CDK7: variants seen among roughly 807,000 people sequenced by gnomAD.
The protein encoded by CDK7 is cyclin-dependent kinase 7.
CDK7 carries 25 observed loss-of-function variants against 49.1 expected under a neutral mutation model. That is an observed-to-expected ratio of 0.51 (90% CI 0.37 to 0.71). The LOEUF (loss-of-function observed/expected upper bound fraction) is 0.71, where lower values mean the gene tolerates loss of function less well. Among genes scored for constraint, CDK7 ranks in the 30% least tolerant of loss-of-function variants. The probability of loss-of-function intolerance (pLI) is 0.00; values close to 1 mark genes in which losing one functional copy is unlikely to be tolerated. For missense variants in CDK7, 316 were observed against 411.7 expected (o/e 0.77, Z 2.01); for synonymous variants, 107 against 140.0 (o/e 0.76, Z 1.67).
intron 2 of CDK7, among the ~76,000 whole-genome samples, chr5:69,237,392 G>A (rs1217491801): frequency 6.6e-6 from 1 of 152,126 alleles, no homozygotes; most frequent in Non-Finnish European, 1.5e-5. Context: ...CTGGCTTCTT[G>A]GTTGGTATAT....
intron 8 of CDK7, among the ~76,000 whole-genome samples, chr5:69,267,070 CTCTT>C (rs757048084): frequency 6.6e-6 from 1 of 152,050 alleles, no homozygotes; most frequent in African/African-American, 2.4e-5. Flanking sequence ...CCCAAAGCAG[CTCTT>C]TCTTTAGGGA....
chr5:69,268,619 G>A (rs779696073), intron 8 of CDK7, among the ~76,000 whole-genome samples: 3 of 152,042 alleles, frequency 2.0e-5, no homozygotes, highest in East Asian at 1.9e-4. Context: ...TTGGGAGGCC[G>A]AGGCGGGCAA....
chr5:69,239,577 C>A (rs1457206862), intron 2 of CDK7, among the ~76,000 whole-genome samples: 1 of 151,944 alleles, frequency 6.6e-6, no homozygotes, highest in Non-Finnish European at 1.5e-5. Context: ...AGCCAGAATT[C>A]TTTTATATTC....
In CDK7 at chr5:69,273,006, T is replaced by G. The variant is rs1230395825; in HGVS notation, c.829T>G (p.Leu277Val). 1 of 1,577,100 alleles carries G rather than the reference T, an allele frequency of 6.3e-7. No individual in the cohort carries two copies. Among genetic ancestry groups the G allele is most frequent in the African/African-American group, 1.4e-5 (1 of 73,914 alleles). ...DLLDLIQGLF[L>V]FNPCARITAT... ...ACTAGATCTCATACAAGGCTTATTCTTATTTAATCCATGTGCTCGAATTAC... is the reference window on the plus strand; with the variant it reads ...ACTAGATCTCATACAAGGCTTATTCGTATTTAATCCATGTGCTCGAATTAC... Residue 277 changes from leucine to valine, a missense_variant, in exon 10 of 12, where the codon TTA becomes GTA. Leu to Val is a conservative substitution (Grantham distance 32). Transcript: ENST00000256443.
At chr5:69,276,841 C>T (rs4077460) in intron 11 of CDK7, 151 bp downstream of exon 11, 419,282 of 727,682 alleles carry the variant, frequency 0.58, 123,193 homozygotes, top group African/African-American at 0.72. Context: ...GAGACTGTGC[C>T]GTTTTAGGTA....
In CDK7 at chr5:69,269,439, T is replaced by C. The variant is rs1413965676; in HGVS notation, c.714+146T>C. The C allele has an allele frequency of 2.6e-5, 14 of 538,304 alleles. No homozygotes were observed. The Admixed American group carries it at 5.3e-4, about 20-fold the overall frequency. 33.3% of individuals were successfully genotyped at this position (538,304 alleles called of 1,614,324 possible). A position where few individuals can be genotyped will look rare whatever the true frequency, so the allele number is the denominator to read the frequency against. On this transcript the variant is annotated intron_variant, in intron 9 of 11. Coordinates refer to ENST00000256443, the MANE Select transcript of CDK7 (RefSeq NM_001799.4). ...AGAACACTTTAAATGATAAAGTATA[T>C]AAAGTAAGAAGTTACAATTGTGATA...
At chr5:69,261,037 C>CA (rs1195614419) in intron 7 of CDK7, among the ~76,000 whole-genome samples, 1 of 152,048 alleles carries the variant, frequency 6.6e-6, no homozygotes, top group Non-Finnish European at 1.5e-5. Context: ...AGGCTGGTCT[C>CA]AAAGTCCTGC....
intron 5 of CDK7, among the ~76,000 whole-genome samples, chr5:69,257,333 A>T (rs140466325): frequency 1.4e-3 from 210 of 152,288 alleles, no homozygotes; most frequent in African/African-American, 4.8e-3. Context: ...ATCTGATTTT[A>T]AAAAAAGAAA....
At chr5:69,256,976 A>G (rs1355662588) in intron 5 of CDK7, among the ~76,000 whole-genome samples, 2 of 152,240 alleles carry the variant, frequency 1.3e-5, no homozygotes, top group African/African-American at 4.8e-5. Context: ...TAACTGTACA[A>G]ACAAACTGAA....
chr5:69,237,885 G>T (rs1024438037), intron 2 of CDK7, among the ~76,000 whole-genome samples: 1 of 152,114 alleles, frequency 6.6e-6, no homozygotes, highest in African/African-American at 2.4e-5. Flanking sequence ...GGGATTACAC[G>T]TGTGAGTCAC....
At position 69,262,202 on chromosome 5, in the gene CDK7, T is replaced by C. The variant is rs1160162281; in HGVS notation, c.528-3T>C. 1.9e-6 allele frequency: 3 copies of C among 1,613,314 alleles called. No individual in the cohort carries two copies. In the African/African-American group the frequency reaches 4.0e-5, roughly 22 times the overall value. Reference sequence around the variant, plus strand: ...AATGATACTAATTCTTTTTGTTCTTTAGGTGGTATCGGGCCCCCGAGTTAC... The same window carrying C: ...AATGATACTAATTCTTTTTGTTCTTCAGGTGGTATCGGGCCCCCGAGTTAC... On this transcript the variant is annotated splice_polypyrimidine_tract_variant and splice_region_variant and intron_variant, in intron 7 of 11. Coordinates refer to ENST00000256443, the MANE Select transcript of CDK7 (RefSeq NM_001799.4).
At chr5:69,252,563 A>T in intron 3 of CDK7, 112 bp downstream of exon 3, 3 of 645,862 alleles carry the variant, frequency 4.6e-6, no homozygotes, top group Non-Finnish European at 5.1e-6. Context: ...AGGCTGGAGT[A>T]CTGAGACACA....
At chr5:69,248,890 G>C (rs1173267328) in intron 2 of CDK7, among the ~76,000 whole-genome samples, 1 of 133,758 alleles carries the variant, frequency 7.5e-6, no homozygotes, top group African/African-American at 2.9e-5. Context: ...TGCAACCTCT[G>C]CCTCCTGGGT....
At position 69,240,772 on chromosome 5, in the gene CDK7, C is replaced by T. The variant is rs553476527; in HGVS notation, c.126+5319C>T. ...CCTCCCGAGTAGCTGGGATTACAGA[C>T]ACATGCCACCACACCCAGCTAATTT... is the stretch of plus-strand genomic sequence containing the variant. On this transcript the variant is annotated intron_variant, in intron 2 of 11. Transcript: ENST00000256443. Among the ~76,000 whole-genome samples, 972 of 152,066 alleles carry T rather than the reference C, an allele frequency of 6.4e-3. 4 individuals carry two copies. Among genetic ancestry groups the T allele is most frequent in the Non-Finnish European group, 0.011 (731 of 67,976 alleles).
upstream of CDK7, chr5:69,234,799 C>T: frequency 1.6e-6 from 1 of 630,830 alleles, no homozygotes; most frequent in Admixed American, 3.0e-5. Flanking sequence ...GGGTGGGGAA[C>T]GCCAACCGCC....
chr5:69,253,138 T>G (rs1750257420), intron 3 of CDK7, among the ~76,000 whole-genome samples: 1 of 152,250 alleles, frequency 6.6e-6, no homozygotes, highest in African/African-American at 2.4e-5. Context: ...TACTATGGAA[T>G]AGATACATGA....
At chr5:69,261,488 C>CTGTG (rs376469145) in intron 7 of CDK7, among the ~76,000 whole-genome samples, 7,709 of 120,114 alleles carry the variant, frequency 0.064, 391 homozygotes, top group African/African-American at 0.15. Context: ...TGAAAAGGTT[C>CTGTG]TCTGTGTGTG....
chr5:69,263,616 C>T (rs1157908696), intron 8 of CDK7, among the ~76,000 whole-genome samples: 1 of 152,190 alleles, frequency 6.6e-6, no homozygotes, highest in Non-Finnish European at 1.5e-5. Flanking sequence ...CACATTCAAA[C>T]TTGGAAGGTA....
At chr5:69,251,087 G>C (rs561030797) in intron 2 of CDK7, among the ~76,000 whole-genome samples, 76 of 147,492 alleles carry the variant, frequency 5.2e-4, no homozygotes, top group African/African-American at 1.8e-3. Context: ...ATGCAACCAT[G>C]CCCCGGTAAC....
Sources: allele counts gnomAD v4.1 joint callset (sites outside exome capture counted in the v4.1 genomes callset), GRCh38; gene constraint gnomAD v4.1.1; transcripts MANE v1.5; gene names NCBI Gene and HGNC (gene_info 2026-07-23, HGNC 2026-07-21).